TTC28: variants seen among roughly 807,000 people sequenced by gnomAD.
TTC28 encodes the protein tetratricopeptide repeat domain 28.
Under a neutral mutation model 198.0 loss-of-function variants are expected in TTC28, and 61 were observed. The ratio of observed to expected loss-of-function variants is 0.31; its 90% CI spans 0.25 to 0.38. The LOEUF (loss-of-function observed/expected upper bound fraction) is 0.38. Ranked by LOEUF, TTC28 falls within the 10% of genes least tolerant of loss-of-function variation. TTC28 has a pLI of 1.00. For missense variants in TTC28, 2,678 were observed against 3,164.0 expected (o/e 0.85, Z 3.69); for synonymous variants, 1,171 against 1,297.8 (o/e 0.90, Z 2.10).
chr22:28,552,752 T>A (rs981922324), intron 2 of TTC28, among the ~76,000 whole-genome samples: 2 of 142,130 alleles, frequency 1.4e-5, no homozygotes, highest in African/African-American at 4.9e-5. Context: ...AGCCTCTCCC[T>A]CTCCCTCTCC....
chr22:28,327,916 T>C lies in TTC28; in HGVS notation c.382-21273A>G, dbSNP rs181204008. ...GTTTTATATTCATTCACTCATTCTT[T>C]AAACAACTATGTGCCTGACAGCTCA... is the stretch of plus-strand genomic sequence containing the variant. On this transcript the variant is annotated intron_variant, in intron 2 of 22. Coordinates refer to ENST00000397906, the MANE Select transcript of TTC28 (RefSeq NM_001145418.2). 2.0e-5 allele frequency among the ~76,000 whole-genome samples: 3 copies of C among 152,332 alleles called. No individual in the cohort carries two copies. The East Asian group carries it at 5.8e-4, about 29-fold the overall frequency.
chr22:28,262,694 T>C (rs1325343654), intron 5 of TTC28, among the ~76,000 whole-genome samples: 2 of 152,086 alleles, frequency 1.3e-5, no homozygotes, highest in African/African-American at 2.4e-5. Flanking sequence ...AGGAGTAGGA[T>C]TGCTATTTGT....
At chr22:28,549,449 A>G (rs1029705672) in intron 2 of TTC28, among the ~76,000 whole-genome samples, 5 of 152,180 alleles carry the variant, frequency 3.3e-5, no homozygotes, top group Non-Finnish European at 7.4e-5. Context: ...GGTCCTTCTT[A>G]TTCATTTACT....
chr22:28,202,584 T>C (rs2147157014), intron 5 of TTC28, among the ~76,000 whole-genome samples: 1 of 151,686 alleles, frequency 6.6e-6, no homozygotes, highest in Non-Finnish European at 1.5e-5. Context: ...TTTCTTTGAA[T>C]CATCATTCTG....
intron 2 of TTC28, chr22:28,460,060 G>A (rs539667812): frequency 1.3e-5 from 2 of 151,864 alleles, no homozygotes; most frequent in East Asian, 1.9e-4. Context: ...TAAAATTTTC[G>A]GGAAAAAAAA....
At chr22:28,083,898 G>A (rs1056202382) in intron 12 of TTC28, among the ~76,000 whole-genome samples, 6 of 152,230 alleles carry the variant, frequency 3.9e-5, no homozygotes, top group Non-Finnish European at 8.8e-5. Flanking sequence ...CTACGCCCAC[G>A]GAGCCTCGCT....
chr22:28,162,697 G>T (rs1250926002), intron 6 of TTC28, among the ~76,000 whole-genome samples: 1 of 152,174 alleles, frequency 6.6e-6, no homozygotes, highest in East Asian at 1.9e-4. Context: ...TGCCATAATT[G>T]TAGCACTTTG....
intron 6 of TTC28, among the ~76,000 whole-genome samples, chr22:28,123,811 C>T (rs1027957652): frequency 4.1e-4 from 62 of 151,886 alleles, no homozygotes; most frequent in Middle Eastern, 3.4e-3. Flanking sequence ...GGTGAAATCC[C>T]GTCTCTACTA....
In TTC28 at chr22:28,163,346, G is replaced by A. The variant is rs1047228080; in HGVS notation, c.1187C>T (p.Ala396Val). The change falls in exon 6 of 23, where the codon GCT (alanine) becomes GTT (valine). Residue 396 changes from alanine to valine, a missense_variant. Ala to Val is a moderately conservative substitution (Grantham distance 64). Around this residue, in one of 8 missense-constraint regions of TTC28, gnomAD observed 775 missense variants for 845.9 expected, o/e 0.92. Coordinates refer to ENST00000397906, the MANE Select transcript of TTC28 (RefSeq NM_001145418.2). ...ATAGGCACTGCCCAGGTTGCTATAA[G>A]CCCGGGCCTCTTCTCGCTTGTTCCC... ...DLGNKREEAR[A>V]YSNLGSAYHY... 1 of 1,551,956 alleles carries A rather than the reference G, an allele frequency of 6.4e-7. No homozygotes were observed. Among genetic ancestry groups the A allele is most frequent in the African/African-American group, 1.4e-5 (1 of 73,026 alleles).
intron 2 of TTC28, among the ~76,000 whole-genome samples, chr22:28,340,619 T>C (rs1007026176): frequency 2.0e-5 from 3 of 152,222 alleles, no homozygotes; most frequent in Non-Finnish European, 2.9e-5. Context: ...TTTCTTTCCA[T>C]GTGTTAATGA....
chr22:28,121,923 A>G (rs1942796959), intron 6 of TTC28, among the ~76,000 whole-genome samples: 2 of 152,216 alleles, frequency 1.3e-5, no homozygotes, highest in South Asian at 4.1e-4. Flanking sequence ...GCTGGAATAC[A>G]GTGGCACGAT....
intron 2 of TTC28, among the ~76,000 whole-genome samples, chr22:28,476,853 G>A (rs1035090378): frequency 7.2e-5 from 11 of 151,868 alleles, no homozygotes; most frequent in Non-Finnish European, 1.2e-4. Context: ...ATTCATAATA[G>A]TAAAAAAAAT....
chr22:28,671,848 G>GT (rs760585582), intron 1 of TTC28, among the ~76,000 whole-genome samples: 1 of 151,154 alleles, frequency 6.6e-6, no homozygotes, highest in Non-Finnish European at 1.5e-5. Flanking sequence ...GCTAATTTTT[G>GT]TGTTTTTAGT....
chr22:28,033,553 C>A (rs1258926893), intron 12 of TTC28, among the ~76,000 whole-genome samples: 1 of 152,136 alleles, frequency 6.6e-6, no homozygotes, highest in Non-Finnish European at 1.5e-5. Flanking sequence ...TGACTAGTAT[C>A]CTTTAGTTCT....
intron 2 of TTC28, among the ~76,000 whole-genome samples, chr22:28,424,339 G>A (rs5752743): frequency 0.52 from 78,384 of 151,870 alleles, 21,894 homozygotes; most frequent in Middle Eastern, 0.68. Flanking sequence ...TCTCCATGGG[G>A]CAAATTCCCA....
intron 2 of TTC28, among the ~76,000 whole-genome samples, chr22:28,548,147 G>A (rs1320958236): frequency 6.6e-6 from 1 of 152,114 alleles, no homozygotes. Flanking sequence ...TTTTGACAGT[G>A]ACTTACAGAG....
chr22:28,153,304 T>A (rs5997341), intron 6 of TTC28, among the ~76,000 whole-genome samples: 5,772 of 149,672 alleles, frequency 0.039, 137 homozygotes, highest in East Asian at 0.055. Context: ...ACTCCCAGGA[T>A]GGTTTGAAAA....
intron 2 of TTC28, among the ~76,000 whole-genome samples, chr22:28,402,815 C>A (rs901859316): frequency 1.4e-4 from 21 of 152,220 alleles, no homozygotes; most frequent in African/African-American, 5.1e-4. Context: ...GTAACTGTTG[C>A]TATCATTAGC....
intron 1 of TTC28, among the ~76,000 whole-genome samples, chr22:28,651,800 A>G (rs1233027550): frequency 1.3e-5 from 2 of 152,208 alleles, no homozygotes; most frequent in Admixed American, 1.3e-4. Context: ...GAGAAAATAC[A>G]AAGAAATAGC....
Sources: gnomAD v4.1 joint callset for allele counts (sites outside exome capture counted in the v4.1 genomes callset) on GRCh38, gnomAD v4.1.1 for gene constraint, gnomAD v4.1.1 regional missense constraint, MANE v1.5 for transcripts, NCBI Gene and HGNC (gene_info 2026-07-23, HGNC 2026-07-21) for gene names.